The following COX10 variants were observed in gnomAD, a reference collection of about 807,000 sequenced individuals.
The protein encoded by COX10 is protoheme IX farnesyltransferase, mitochondrial.
A neutral mutation model predicts 37.3 loss-of-function variants in COX10; 27 were observed. The ratio of observed to expected loss-of-function variants is 0.72; its 90% CI spans 0.53 to 1.00. The LOEUF (loss-of-function observed/expected upper bound fraction) is 1.00. COX10 is among the 50% of genes least tolerant of loss of function. The pLI is 0.00. For missense variants in COX10, 475 were observed against 563.2 expected, an observed-to-expected ratio of 0.84 and a Z score of 1.59; for synonymous variants, 222 against 229.1, an observed-to-expected ratio of 0.97 and a Z score of 0.28.
intron 1 of COX10, among the ~76,000 whole-genome samples, chr17:14,071,198 T>A (rs150528786): frequency 6.6e-6 from 1 of 152,176 alleles, no homozygotes; most frequent in African/African-American, 2.4e-5. Context: ...GCATGCATCC[T>A]TCAGATTAGC....
chr17:14,148,346 G>A (rs1478690426), intron 4 of COX10, among the ~76,000 whole-genome samples: 1 of 152,130 alleles, frequency 6.6e-6, no homozygotes, highest in Non-Finnish European at 1.5e-5. Context: ...TGGCTGACTG[G>A]GTGTCTTTAC....
intron 4 of COX10, among the ~76,000 whole-genome samples, chr17:14,141,321 C>T (rs1904536723): frequency 6.6e-6 from 1 of 151,796 alleles, no homozygotes; most frequent in Admixed American, 6.6e-5. Context: ...GGGCAGATTG[C>T]CTGAGCTCAG....
At chr17:14,149,364 A>T (rs1336070569) in intron 4 of COX10, among the ~76,000 whole-genome samples, 1 of 152,190 alleles carries the variant, frequency 6.6e-6, no homozygotes, top group Non-Finnish European at 1.5e-5. Flanking sequence ...TGAAGTGGTT[A>T]GCTTTACAGT....
intron 5 of COX10, among the ~76,000 whole-genome samples, chr17:14,170,788 G>A (rs561952173): frequency 6.6e-6 from 1 of 152,148 alleles, no homozygotes. Flanking sequence ...CTGTACTCCA[G>A]CCTGGGGAAC....
chr17:14,086,308 A>C (rs1401821472), intron 3 of COX10, among the ~76,000 whole-genome samples: 1 of 152,032 alleles, frequency 6.6e-6, no homozygotes, highest in African/African-American at 2.4e-5. Context: ...TGTATAATAA[A>C]ATTTATTATT....
At position 14,165,925 on chromosome 17, in the gene COX10, A is replaced by G. The variant is rs144647533; in HGVS notation, c.695+5978A>G. Among the ~76,000 whole-genome samples the G allele has an allele frequency of 4.6e-4, 70 of 152,370 alleles. 1 individual carries two copies. Among genetic ancestry groups the G allele is most frequent in the South Asian group, 3.5e-3 (17 of 4,826 alleles). On this transcript the variant is annotated intron_variant, in intron 5 of 6. Coordinates refer to ENST00000261643, the MANE Select transcript of COX10 (RefSeq NM_001303.4). Reference sequence around the variant, plus strand: ...TGCCTCACACGAAAGCCTAATCCAAAGCAAGGCCCTAACTCTCTTCAGTTT... The same window carrying G: ...TGCCTCACACGAAAGCCTAATCCAAGGCAAGGCCCTAACTCTCTTCAGTTT...
At chr17:14,086,350 G>A (rs913081594) in intron 3 of COX10, among the ~76,000 whole-genome samples, 8 of 152,042 alleles carry the variant, frequency 5.3e-5, no homozygotes, top group Non-Finnish European at 1.0e-4. Flanking sequence ...AGTGGTATAA[G>A]ATAGAGATAT....
At chr17:14,189,688 T>G (rs564164577) in intron 5 of COX10, among the ~76,000 whole-genome samples, 9 of 152,370 alleles carry the variant, frequency 5.9e-5, no homozygotes, top group Non-Finnish European at 1.0e-4. Context: ...CCATGCATAG[T>G]CTTTTCAGAA....
intron 1 of COX10, among the ~76,000 whole-genome samples, chr17:14,073,720 G>T (rs891474377): frequency 6.6e-6 from 1 of 152,172 alleles, no homozygotes; most frequent in African/African-American, 2.4e-5. Context: ...GTGTTCTATG[G>T]CTTGTCGGAG....
At position 14,206,647 on chromosome 17, in the gene COX10, C is replaced by A. The variant is rs3785659; in HGVS notation, c.929-163C>A. Among the ~76,000 whole-genome samples the A allele has an allele frequency of 9.9e-5, 15 of 152,282 alleles. No homozygotes were observed. The East Asian group carries it at 2.9e-3, about 30-fold the overall frequency. Reference sequence around the variant, plus strand: ...TGCCCCACCAGCCTGATGTAGGCACCTGTCTCCCAGCCACCCTGTGATGTA... The same window carrying A: ...TGCCCCACCAGCCTGATGTAGGCACATGTCTCCCAGCCACCCTGTGATGTA... On this transcript the variant is annotated intron_variant, in intron 6 of 6. Transcript: ENST00000261643.
At chr17:14,100,539 G>T (rs1915753653) in intron 3 of COX10, among the ~76,000 whole-genome samples, 1 of 152,162 alleles carries the variant, frequency 6.6e-6, no homozygotes, top group Admixed American at 6.6e-5. Context: ...GAAGGAGCCA[G>T]CTGTGGAAAG....
intron 6 of COX10, among the ~76,000 whole-genome samples, 154 bp from the exon 7 acceptor site, chr17:14,206,656 A>G (rs958197171): frequency 6.6e-6 from 1 of 152,132 alleles, no homozygotes; most frequent in Non-Finnish European, 1.5e-5. Context: ...CCTGTCTCCC[A>G]GCCACCCTGT....
intron 3 of COX10, among the ~76,000 whole-genome samples, chr17:14,092,052 G>A (rs1915540476): frequency 6.6e-6 from 1 of 152,082 alleles, no homozygotes; most frequent in South Asian, 2.1e-4. Context: ...AGTAAATTGA[G>A]TTTCTTTATT....
intron 3 of COX10, among the ~76,000 whole-genome samples, chr17:14,078,151 C>G (rs1915198797): frequency 6.6e-6 from 1 of 152,044 alleles, no homozygotes; most frequent in Non-Finnish European, 1.5e-5. Context: ...AGCTTGAAAA[C>G]ATGTCTCAGT....
intron 3 of COX10, among the ~76,000 whole-genome samples, chr17:14,101,476 A>G (rs750376797): frequency 2.6e-5 from 4 of 152,172 alleles, no homozygotes; most frequent in African/African-American, 4.8e-5. Context: ...TGTAAACCCC[A>G]GGAAAGAAGC....
At chr17:14,161,664 A>G (rs1597528917) in intron 5 of COX10, among the ~76,000 whole-genome samples, 2 of 152,278 alleles carry the variant, frequency 1.3e-5, no homozygotes, top group Admixed American at 6.5e-5. Flanking sequence ...AAGAAAGTGA[A>G]TTGGTATCTC....
At chr17:14,075,172 C>A (rs1011310819) in intron 2 of COX10, among the ~76,000 whole-genome samples, 27 of 152,132 alleles carry the variant, frequency 1.8e-4, no homozygotes, top group African/African-American at 6.3e-4. Context: ...AAATTAAAAT[C>A]TTAATAAAAC....
chr17:14,076,670 G>A (rs1915158353), intron 2 of COX10, 65 bp from the exon 3 acceptor site: 1 of 1,477,438 alleles, frequency 6.8e-7, no homozygotes, highest in Non-Finnish European at 9.4e-7. Context: ...TGAAGATGTT[G>A]CTAAATAACC....
intron 5 of COX10, among the ~76,000 whole-genome samples, chr17:14,186,700 G>A (rs1382275203): frequency 6.6e-6 from 1 of 151,866 alleles, no homozygotes; most frequent in African/African-American, 2.4e-5. Flanking sequence ...GGAGTAAACT[G>A]AAGGTGCTTT....
Sources: gnomAD v4.1 joint callset for allele counts (sites outside exome capture counted in the v4.1 genomes callset) on GRCh38, gnomAD v4.1.1 for gene constraint, MANE v1.5 for transcripts, NCBI Gene and HGNC (gene_info 2026-07-23, HGNC 2026-07-21) for gene names.